Variants in TRPM4 observed in about 807,000 individuals in gnomAD.
TRPM4 encodes calcium-activated non-selective cation channel 1.
In TRPM4, 124 loss-of-function variants were observed where a neutral mutation model predicts 135.6. The observed-to-expected ratio is 0.91, with a 90% CI of 0.79 to 1.06. The LOEUF is 1.06. Ranked by LOEUF, TRPM4 falls within the 50% of genes least tolerant of loss-of-function variation. TRPM4 has a pLI of 0.00. For synonymous variants in TRPM4, 745 were observed against 705.6 expected, an observed-to-expected ratio of 1.06 and a Z score of -0.88; for missense variants, 1,658 against 1,671.4, an observed-to-expected ratio of 0.99 and a Z score of 0.14.
At chr19:49,174,028 C>G (rs1327483070) in intron 9 of TRPM4, among the ~76,000 whole-genome samples, 3 of 152,064 alleles carry the variant, frequency 2.0e-5, no homozygotes, top group Non-Finnish European at 4.4e-5. Flanking sequence ...AACCCATTTC[C>G]TGCTCTCAAA....
chr19:49,158,390 C>G, intron 2 of TRPM4, 131 bp downstream of exon 2: 1 of 838,878 alleles, frequency 1.2e-6, no homozygotes, highest in Non-Finnish European at 2.1e-6. Flanking sequence ...CGTTCCTTGC[C>G]GACGCTCTCC....
Position 49,210,489 on chromosome 19 carries a change from G to C in TRPM4, c.3328+84G>C. ...GAGGGGAAGGGGGCATGCCCCAAAT[G>C]ACTAACGGGCGTGGCTTAGGTAGCG... On this transcript the variant is annotated intron_variant, in intron 21 of 24. Coordinates refer to ENST00000252826, the MANE Select transcript of TRPM4 (RefSeq NM_017636.4). This position sits in a 1 kb window ranked among gnomAD's most constrained non-coding sequence, Gnocchi z 4.1. 1 of 1,532,942 alleles carries C rather than the reference G, an allele frequency of 6.5e-7. No individual in the cohort carries two copies. The highest frequency in any genetic ancestry group is 8.9e-7 in the Non-Finnish European group (1 of 1,124,174). The allele number at this position is 1,532,942 out of a possible 1,614,324, so 95.0% of individuals were successfully genotyped here.
Position 49,166,084 on chromosome 19 carries a change from G to T in TRPM4, c.136G>T (p.Ala46Ser), listed in dbSNP as rs751134895. ...QCGRPRTAHP[A>S]VAMEDAFGAA... is the part of the protein sequence containing the mutation. ...TGGGCGCCCCCGGACCGCCCACCCC[G>T]CAGTGGCCATGGAGGATGCCTTCGG... Residue 46 changes from alanine (A) to serine (S), a missense_variant, in exon 3 of 25, where the codon GCA becomes TCA. Transcript: ENST00000252826. 8 of 1,602,718 alleles carry T rather than the reference G, an allele frequency of 5.0e-6. No individual in the cohort carries two copies. The East Asian group carries it at 1.8e-4, about 36-fold the overall frequency.
intron 9 of TRPM4, 54 bp downstream of exon 9, chr19:49,172,162 T>A (rs1967489995): frequency 7.3e-7 from 1 of 1,368,114 alleles, no homozygotes; most frequent in South Asian, 1.2e-5. Flanking sequence ...CTTAGACACC[T>A]TTCCTGGCCT....
chr19:49,168,532 G>A (rs1600411064), intron 5 of TRPM4, 21 bp from the exon 6 acceptor site: 1 of 1,613,720 alleles, frequency 6.2e-7, no homozygotes, highest in Non-Finnish European at 8.5e-7. Context: ...AGACGCCCTG[G>A]TCTGGCCATT....
At chr19:49,164,330 GTC>G (rs1162648131) in intron 2 of TRPM4, among the ~76,000 whole-genome samples, 1 of 44,870 alleles carries the variant, frequency 2.2e-5, no homozygotes, top group Non-Finnish European at 3.9e-5. Flanking sequence ...CTCCCTCTCT[GTC>G]TCTCTCCCTC....
rs368769982 is a variant in TRPM4 at position 49,168,028 on chromosome 19, G to A, written c.379G>A (p.Gly127Ser). The A allele has an allele frequency of 8.1e-6, 13 of 1,613,198 alleles. No individual in the cohort carries two copies. Among genetic ancestry groups the A allele is most frequent in the Non-Finnish European group, 1.1e-5 (13 of 1,179,954 alleles). ...GGTGTCAGTGCTGGGGGGATCGGGG[G>A]GCCCCGTCCTCCAGACCTGGCTGCA... Reference protein sequence around the residue: ...LVVSVLGGSGGPVLQTWLQDL... With the variant: ...LVVSVLGGSGSPVLQTWLQDL... Residue 127 changes from glycine to serine, a missense_variant, in exon 4 of 25, where the codon GGC (glycine) becomes AGC (serine). Physicochemically the swap from Gly to Ser is moderately conservative, Grantham distance 56. Coordinates refer to ENST00000252826, the MANE Select transcript of TRPM4 (RefSeq NM_017636.4).
Position 49,168,011 on chromosome 19 carries a change from T to C in TRPM4, c.362T>C (p.Val121Ala), listed in dbSNP as rs1300166610. Residue 121 changes from valine (V) to alanine (A), a missense_variant, in exon 4 of 25, where the codon GTG becomes GCG. Val to Ala is a moderately conservative substitution (Grantham distance 64). This residue lies in a region of TRPM4 where 239 missense variants were observed against 240.1 expected (regional missense o/e 1.00). Coordinates refer to ENST00000252826, the MANE Select transcript of TRPM4 (RefSeq NM_017636.4). Reference protein sequence around the residue: ...GFRAPNLVVSVLGGSGGPVLQ... With the variant: ...GFRAPNLVVSALGGSGGPVLQ... ...CGTGCCCCGAACCTGGTGGTGTCAG[T>C]GCTGGGGGGATCGGGGGGCCCCGTC... is the stretch of plus-strand genomic sequence containing the variant. The C allele has an allele frequency of 6.2e-7, 1 of 1,613,746 alleles. No individual in the cohort carries two copies. Among genetic ancestry groups the C allele is most frequent in the South Asian group, 1.1e-5 (1 of 91,082 alleles).
intron 17 of TRPM4, among the ~76,000 whole-genome samples, chr19:49,197,274 C>CT (rs915464412): frequency 1.6e-4 from 23 of 145,476 alleles, no homozygotes; most frequent in South Asian, 9.4e-4. Context: ...TCTTTCTTTC[C>CT]TTTTTTTTTC....
chr19:49,171,472 A>T lies in TRPM4; in HGVS notation c.858+54A>T. 1.9e-6 allele frequency: 3 copies of T among 1,611,120 alleles called. No homozygotes were observed. The highest frequency in any genetic ancestry group is 2.5e-6 in the Non-Finnish European group (3 of 1,178,158). ...GGGGGAAGGAGGGTTGGGGGCCAGGACTCCTGGGTCCTGAGTCTTAGGGAG... is the reference window on the plus strand; with the variant it reads ...GGGGGAAGGAGGGTTGGGGGCCAGGTCTCCTGGGTCCTGAGTCTTAGGGAG... On this transcript the variant is annotated intron_variant, in intron 7 of 24. Transcript: ENST00000252826. This position sits in a 1 kb window ranked among gnomAD's most constrained non-coding sequence, Gnocchi z 4.7.
intron 10 of TRPM4, among the ~76,000 whole-genome samples, chr19:49,182,317 C>T (rs1967991461): frequency 1.3e-5 from 2 of 150,058 alleles, no homozygotes; most frequent in Non-Finnish European, 3.0e-5. Flanking sequence ...TCCCTCTGTC[C>T]ATCCATCCAT....
chr19:49,201,185 A>ATTT (rs1395694237), intron 19 of TRPM4, among the ~76,000 whole-genome samples: 32 of 152,198 alleles, frequency 2.1e-4, no homozygotes, highest in African/African-American at 7.2e-4. Flanking sequence ...AGGGTCATTT[A>ATTT]TAACCTGACG....
Position 49,167,977 on chromosome 19 carries a change from T to TG in TRPM4, c.332dup (p.Phe112LeufsTer86), listed in dbSNP as rs1568458819. On this transcript the variant is annotated frameshift_variant, in exon 4 of 25. Transcript: ENST00000252826. LOFTEE classifies it high-confidence loss of function. ...AGTTTATAGTCTGGTCACACGCACATGGGGCTTCCGTGCCCCGAACCTGGT... is the reference window on the plus strand; with the variant it reads ...AGTTTATAGTCTGGTCACACGCACATGGGGGCTTCCGTGCCCCGAACCTGGT... 1 of 1,614,062 alleles carries TG rather than the reference T, an allele frequency of 6.2e-7. No homozygotes were observed. Among genetic ancestry groups the TG allele is most frequent in the South Asian group, 1.1e-5 (1 of 91,082 alleles).
chr19:49,193,052 T>G (rs1422175017), intron 16 of TRPM4, among the ~76,000 whole-genome samples: 3 of 151,602 alleles, frequency 2.0e-5, no homozygotes, highest in African/African-American at 7.3e-5. Context: ...GAGCAACTAC[T>G]GTGCTCAATT....
At chr19:49,193,624 G>A (rs1968498377) in intron 16 of TRPM4, among the ~76,000 whole-genome samples, 1 of 152,076 alleles carries the variant, frequency 6.6e-6, no homozygotes, top group African/African-American at 2.4e-5. Flanking sequence ...AGAGGCTGGG[G>A]CTGAGCCCAG....
chr19:49,211,082 CGGGAGGTGA>C lies in TRPM4; in HGVS notation c.3532_3534+6del. ...CGAACAGCGCCTGAAAGTGCTGGAG[CGGGAGGTGA>C]GGCCTTGGGGCCTGGCTGGGGGACT... On this transcript the variant is annotated splice_donor_variant and splice_donor_region_variant and coding_sequence_variant and intron_variant, in exon 23 of 25. Transcript: ENST00000252826. LOFTEE classifies it high-confidence loss of function. This position sits in a 1 kb window ranked among gnomAD's most constrained non-coding sequence, Gnocchi z 4.8. 1.2e-5 allele frequency: 19 copies of C among 1,613,992 alleles called. No homozygotes were observed. Among genetic ancestry groups the C allele is most frequent in the Non-Finnish European group, 1.5e-5 (18 of 1,179,958 alleles).
At chr19:49,186,483 T>C (rs1211249567) in intron 12 of TRPM4, among the ~76,000 whole-genome samples, 1 of 152,228 alleles carries the variant, frequency 6.6e-6, no homozygotes, top group Non-Finnish European at 1.5e-5. Context: ...TTTCCTTTCA[T>C]GGCCTCTTTC....
rs116768201 is a variant in TRPM4 at position 49,202,251 on chromosome 19, C to A, written c.3131+110C>A. 1,526 of 1,306,492 alleles carry A rather than the reference C, an allele frequency of 1.2e-3. 14 individuals carry two copies. In the African/African-American group the frequency reaches 0.02, roughly 17 times the overall value. The allele number at this position is 1,306,492 out of a possible 1,614,324, so 80.9% of individuals were successfully genotyped here. A position where few individuals can be genotyped will look rare whatever the true frequency, so the allele number is the denominator to read the frequency against. ...CTGTTTTTAGTCCCTGAACTCTGAT[C>A]CAATCTAATGCTGCCTTCTCCCCAA... is the stretch of plus-strand genomic sequence containing the variant. On this transcript the variant is annotated intron_variant, in intron 20 of 24. Coordinates refer to ENST00000252826, the MANE Select transcript of TRPM4 (RefSeq NM_017636.4).
intron 2 of TRPM4, among the ~76,000 whole-genome samples, chr19:49,161,699 G>A (rs567202881): frequency 1.3e-4 from 19 of 150,552 alleles, no homozygotes; most frequent in Non-Finnish European, 2.2e-4. Flanking sequence ...GTGCGATCTC[G>A]GCTCACTTCA....
Sources: allele counts gnomAD v4.1 joint callset (sites outside exome capture counted in the v4.1 genomes callset), GRCh38; gene constraint gnomAD v4.1.1; regional missense constraint gnomAD v4.1.1; non-coding constraint Gnocchi (gnomAD v3.1); transcripts MANE v1.5; gene names NCBI Gene and HGNC (gene_info 2026-07-23, HGNC 2026-07-21).